Variants in SLC44A2 observed in about 807,000 individuals in gnomAD.
The protein encoded by SLC44A2 is solute carrier family 44 member 2 (CTL2 blood group), also known as choline transporter-like protein 2.
A neutral mutation model predicts 90.8 loss-of-function variants in SLC44A2; 57 were observed. The observed-to-expected ratio is 0.63, with a 90% confidence interval of 0.51 to 0.78. The LOEUF (loss-of-function observed/expected upper bound fraction) is 0.78, where lower values mean the gene tolerates loss of function less well. Ranked by LOEUF, SLC44A2 falls within the 30% of genes least tolerant of loss-of-function variation. The probability of loss-of-function intolerance (pLI) is 0.00; values close to 1 mark genes in which losing one functional copy is unlikely to be tolerated. For missense variants in SLC44A2, 794 were observed against 919.7 expected (o/e 0.86, Z 1.77); for synonymous variants, 355 against 360.7 (o/e 0.98, Z 0.18).
chr19:10,625,093 C>T (rs1344870388), upstream of SLC44A2, among the ~76,000 whole-genome samples: 1 of 151,746 alleles, frequency 6.6e-6, no homozygotes, highest in Non-Finnish European at 1.5e-5. Flanking sequence ...GTGATTGCAC[C>T]ACTGCACTCC....
In SLC44A2 at chr19:10,643,301, C is replaced by T. The variant is rs568662478; in HGVS notation, c.2037C>T (p.Asp679=). 1,154 of 1,609,988 alleles carry T rather than the reference C, an allele frequency of 7.2e-4. 21 individuals carry two copies. The South Asian group carries it at 0.012, about 17-fold the overall frequency. ...CAGTGGAGGACCTGGAGAGGAATGA[C>T]GGCTCGGCCGAGAGGCCTTACTTCA... is the stretch of plus-strand genomic sequence containing the variant. The part of the protein sequence containing the change: ...LCFLEDLERN[D]GSAERPYFMS... The change falls in exon 22 of 22, where the codon GAC becomes GAT. Residue 679 remains aspartate, a synonymous_variant. Coordinates refer to ENST00000335757, the MANE Select transcript of SLC44A2 (RefSeq NM_020428.4).
intron 16 of SLC44A2, chr19:10,637,062 G>A (rs1457439557): frequency 3.1e-6 from 1 of 317,508 alleles, no homozygotes; most frequent in Non-Finnish European, 5.8e-6. Flanking sequence ...GCAGGAATAA[G>A]ACTGGTTTAT....
At chr19:10,603,731 G>C (rs1344255154) in intron 1 of SLC44A2, among the ~76,000 whole-genome samples, 1 of 152,180 alleles carries the variant, frequency 6.6e-6, no homozygotes, top group African/African-American at 2.4e-5. Flanking sequence ...GTCTTCATTT[G>C]GGCTCAAATT....
intron 21 of SLC44A2, chr19:10,642,770 G>T (rs1467420874): frequency 4.1e-5 from 50 of 1,232,290 alleles, no homozygotes; most frequent in Admixed American, 5.6e-5. Context: ...TGTTTTTTTT[G>T]TTTGTTTTTT....
At chr19:10,613,663 A>G (rs577375231) in intron 1 of SLC44A2, among the ~76,000 whole-genome samples, 22 of 152,298 alleles carry the variant, frequency 1.4e-4, no homozygotes, top group African/African-American at 5.1e-4. Flanking sequence ...CCTGGGCAAC[A>G]TAGTGAGACC....
At chr19:10,637,808 C>T in intron 17 of SLC44A2, 48 bp from the exon 18 acceptor site, 1 of 1,613,186 alleles carries the variant, frequency 6.2e-7, no homozygotes, top group Non-Finnish European at 8.5e-7. Context: ...AGGACCACCC[C>T]CCATGCCCAC....
rs577326622 is a variant in SLC44A2, at chr19:10,631,656, C to T, written c.533C>T (p.Ala178Val). Residue 178 changes from alanine to valine, a missense_variant, in exon 8 of 22, where the codon GCC becomes GTC. This residue lies in a region of SLC44A2 where 738 missense variants were observed against 841.1 expected (regional missense o/e 0.88). Coordinates refer to ENST00000335757, the MANE Select transcript of SLC44A2 (RefSeq NM_020428.4). Reference protein sequence around the residue: ...LARRCFPAIHAYKGVLMVGNE... With the variant: ...LARRCFPAIHVYKGVLMVGNE... ...CGGAGATGCTTCCCCGCTATCCACG[C>T]CTACAAGGGTGTCCTGATGGTGGGC... 7 of 1,613,704 alleles carry T rather than the reference C, an allele frequency of 4.3e-6. No homozygotes were observed. In the South Asian group the frequency reaches 7.7e-5, roughly 18 times the overall value.
At chr19:10,626,843 G>A (rs972348540) in intron 2 of SLC44A2, among the ~76,000 whole-genome samples, 16 of 150,160 alleles carry the variant, frequency 1.1e-4, no homozygotes, top group African/African-American at 3.9e-4. Context: ...TTCCCCTCCT[G>A]GTTCAAGCAC....
chr19:10,623,878 C>G (rs1056870833), upstream of SLC44A2, among the ~76,000 whole-genome samples: 1 of 151,930 alleles, frequency 6.6e-6, no homozygotes, highest in Non-Finnish European at 1.5e-5. Context: ...TTAGTACAGA[C>G]AGGGTTTTGC....
At position 10,631,482 on chromosome 19, in the gene SLC44A2, C is replaced by T; in HGVS notation, c.449C>T (p.Ala150Val). Residue 150 changes from alanine (A) to valine (V), a missense_variant, in exon 7 of 22, where the codon GCT becomes GTT. Ala to Val is a moderately conservative substitution (Grantham distance 64, BLOSUM62 0). Transcript: ENST00000335757. ...VPGFKNNKGV[A>V]EVLQDGDCPA... ...CTCCATCTCTCTTGGCAGGGAGTGG[C>T]TGAGGTGCTTCAAGATGGTGACTGC... The T allele has an allele frequency of 1.2e-6, 2 of 1,614,064 alleles. No homozygotes were observed. Among genetic ancestry groups the T allele is most frequent in the Non-Finnish European group, 1.7e-6 (2 of 1,180,022 alleles).
intron 1 of SLC44A2, among the ~76,000 whole-genome samples, chr19:10,616,282 G>T (rs982112143): frequency 2.0e-5 from 3 of 152,116 alleles, no homozygotes; most frequent in East Asian, 1.9e-4. Context: ...CCAGGCTGGA[G>T]TGCAGTGGGG....
Position 10,638,081 on chromosome 19 carries a change from G to A in SLC44A2, c.1828G>A (p.Val610Ile), listed in dbSNP as rs541056166. The change falls in exon 19 of 22, where the codon GTT becomes ATT. Residue 610 changes from valine to isoleucine, a missense_variant. Val to Ile is a conservative substitution (Grantham distance 29). Around this residue, in one of 3 missense-constraint regions of SLC44A2, gnomAD observed 738 missense variants for 841.1 expected, o/e 0.88. Coordinates refer to ENST00000335757, the MANE Select transcript of SLC44A2 (RefSeq NM_020428.4). Reference sequence around the variant, plus strand: ...CTTCCTGTTGGGCAAACTTCTGATCGTTGGTAGTGTGGGTGAGTGCCGCCC... The same window carrying A: ...CTTCCTGTTGGGCAAACTTCTGATCATTGGTAGTGTGGGTGAGTGCCGCCC... ...FLFLLGKLLI[V>I]GSVGILAFFF... 6.3e-5 allele frequency: 102 copies of A among 1,613,840 alleles called. No individual in the cohort carries two copies. Among genetic ancestry groups the A allele is most frequent in the Middle Eastern group, 1.7e-4 (1 of 6,060 alleles).
chr19:10,631,574 GGAGGCTCTGCA>G, intron 7 of SLC44A2, 39 bp downstream of exon 7: 5 of 1,614,034 alleles, frequency 3.1e-6, no homozygotes, highest in Non-Finnish European at 4.2e-6. Flanking sequence ...GTGGTGACGG[GGAGGCTCTGCA>G]GAGGCTCAGC....
rs574371559 is a variant in SLC44A2 at position 10,632,873 on chromosome 19, T to C, written c.823+717T>C. ...TTTTAGTAGAGATGGGGTTTCTCCATGTTGGTCAGGCTGGTCTCGACCTCC... is the reference window on the plus strand; with the variant it reads ...TTTTAGTAGAGATGGGGTTTCTCCACGTTGGTCAGGCTGGTCTCGACCTCC... On this transcript the variant is annotated intron_variant, in intron 10 of 21. Coordinates refer to ENST00000335757, the MANE Select transcript of SLC44A2 (RefSeq NM_020428.4). 5.9e-5 allele frequency among the ~76,000 whole-genome samples: 9 copies of C among 151,950 alleles called. No individual in the cohort carries two copies. In the South Asian group the frequency reaches 1.7e-3, roughly 28 times the overall value.
chr19:10,617,725 C>T (rs1023408435), intron 1 of SLC44A2, among the ~76,000 whole-genome samples: 3 of 152,168 alleles, frequency 2.0e-5, no homozygotes, highest in Non-Finnish European at 1.5e-5. Flanking sequence ...TTCTGAGCCT[C>T]GGTTCTCTCT....
intron 17 of SLC44A2, 25 bp downstream of exon 17, chr19:10,637,772 C>G (rs1301635648): frequency 1.1e-5 from 18 of 1,613,258 alleles, no homozygotes; most frequent in African/African-American, 1.3e-5. Context: ...GACCCCCAAC[C>G]AACCCGCCAG....
At chr19:10,643,212 C>T (rs192062596) in intron 21 of SLC44A2, 67 bp from the exon 22 acceptor site, 1 of 1,546,406 alleles carries the variant, frequency 6.5e-7, no homozygotes, top group Admixed American at 2.0e-5. Context: ...CATCCACCTA[C>T]CCTGTCCTTG....
rs539702771 is a variant in SLC44A2, at chr19:10,615,753, A to G, written c.32-10500A>G. 3.9e-5 allele frequency among the ~76,000 whole-genome samples: 6 copies of G among 152,266 alleles called. No homozygotes were observed. The East Asian group carries it at 9.6e-4, about 24-fold the overall frequency. On this transcript the variant is annotated intron_variant, in intron 1 of 21. Coordinates refer to the SLC44A2 transcript ENST00000407327. ...TTAACTGTCCAAACATTGACTTGGGAGCTGGACAGCTTGGGTCTGCTGATT... is the reference window on the plus strand; with the variant it reads ...TTAACTGTCCAAACATTGACTTGGGGGCTGGACAGCTTGGGTCTGCTGATT...
upstream of SLC44A2, among the ~76,000 whole-genome samples, chr19:10,623,212 G>A (rs955972875): frequency 9.9e-5 from 15 of 152,034 alleles, no homozygotes; most frequent in African/African-American, 3.6e-4. Context: ...TAGGAGTCTG[G>A]GTCACCCCAG....
Sources: allele counts gnomAD v4.1 joint callset (sites outside exome capture counted in the v4.1 genomes callset), GRCh38; gene constraint gnomAD v4.1.1; regional missense constraint gnomAD v4.1.1; transcripts MANE v1.5; gene names NCBI Gene and HGNC (gene_info 2026-07-23, HGNC 2026-07-21).